SPAST: variants seen among roughly 807,000 people sequenced by gnomAD.
SPAST encodes the protein spastic paraplegia 4 (autosomal dominant; spastin).
In SPAST, 30 loss-of-function variants were observed where a neutral mutation model predicts 76.6. The ratio of observed to expected loss-of-function variants is 0.39; its 90% CI spans 0.29 to 0.53. The LOEUF (loss-of-function observed/expected upper bound fraction) is 0.53. Ranked by LOEUF, SPAST falls within the 20% of genes least tolerant of loss-of-function variation. The probability of loss-of-function intolerance (pLI) is 0.68; values close to 1 mark genes in which losing one functional copy is unlikely to be tolerated. For missense variants in SPAST, 717 were observed against 770.5 expected (o/e 0.93, Z 0.82); for synonymous variants, 305 against 281.0 (o/e 1.09, Z -0.86).
intron 1 of SPAST, among the ~76,000 whole-genome samples, chr2:32,067,612 AT>A (rs1459191148): frequency 6.6e-6 from 1 of 151,758 alleles, no homozygotes; most frequent in Non-Finnish European, 1.5e-5. Flanking sequence ...AAACATTTTT[AT>A]TTTTCAGTTG....
At chr2:32,125,286 C>T (rs1454417901) in intron 7 of SPAST, among the ~76,000 whole-genome samples, 6 of 152,024 alleles carry the variant, frequency 3.9e-5, no homozygotes, top group African/African-American at 1.2e-4. Context: ...TACAATGGCA[C>T]GATCTCGGCT....
intron 1 of SPAST, among the ~76,000 whole-genome samples, chr2:32,076,225 ATAAG>A (rs1359791908): frequency 1.3e-5 from 2 of 152,046 alleles, no homozygotes; most frequent in Non-Finnish European, 2.9e-5. Context: ...AAGAAGATAA[ATAAG>A]GTGACATTTT....
chr2:32,083,067 G>T (rs1677305042), intron 1 of SPAST, among the ~76,000 whole-genome samples: 1 of 151,950 alleles, frequency 6.6e-6, no homozygotes, highest in Non-Finnish European at 1.5e-5. Context: ...TGCCTCCCCG[G>T]TTCAAGTGAT....
At position 32,063,604 on chromosome 2, in the gene SPAST, A is replaced by G. The variant is rs1239653761; in HGVS notation, c.-228A>G. On this transcript the variant is annotated 5_prime_UTR_variant, in exon 1 of 17. Transcript: ENST00000315285. ...GGCGGCGGAGAGGACAGCGACAGGA[A>G]GGGAGGGGCCCGAGCCACCGACTGC... is the stretch of plus-strand genomic sequence containing the variant. The G allele has an allele frequency of 5.4e-6, 3 of 557,744 alleles. No homozygotes were observed. In the Admixed American group the frequency reaches 1.1e-4, roughly 20 times the overall value. 34.5% of individuals were successfully genotyped at this position (557,744 alleles called of 1,614,324 possible).
chr2:32,084,735 A>T (rs906624591), intron 1 of SPAST, among the ~76,000 whole-genome samples: 9 of 151,564 alleles, frequency 5.9e-5, no homozygotes, highest in Non-Finnish European at 1.2e-4. Flanking sequence ...AAAATACAAA[A>T]AATTAGGCAG....
At chr2:32,068,691 A>G (rs1223735676) in intron 1 of SPAST, among the ~76,000 whole-genome samples, 1 of 152,146 alleles carries the variant, frequency 6.6e-6, no homozygotes, top group Non-Finnish European at 1.5e-5. Context: ...AAATTAGTTC[A>G]GACTGAAACG....
chr2:32,122,800 A>G (rs1258445562), intron 7 of SPAST, among the ~76,000 whole-genome samples: 2 of 151,984 alleles, frequency 1.3e-5, no homozygotes, highest in Non-Finnish European at 1.5e-5. Flanking sequence ...ATAGATGAAT[A>G]TCTTTGTTTG....
chr2:32,069,042 G>T (rs1429624137), intron 1 of SPAST, among the ~76,000 whole-genome samples: 2 of 151,934 alleles, frequency 1.3e-5, no homozygotes, highest in African/African-American at 4.8e-5. Flanking sequence ...GTGAAACCCC[G>T]TCTCTACTAA....
intron 3 of SPAST, among the ~76,000 whole-genome samples, chr2:32,098,271 G>T (rs2148717302): frequency 6.6e-6 from 1 of 152,228 alleles, no homozygotes; most frequent in South Asian, 2.1e-4. Context: ...CTTGAGCCCA[G>T]CCTGTGGAAC....
At chr2:32,079,938 T>C (rs1327442497) in intron 1 of SPAST, among the ~76,000 whole-genome samples, 1 of 152,222 alleles carries the variant, frequency 6.6e-6, no homozygotes, top group Non-Finnish European at 1.5e-5. Flanking sequence ...TCAATACTTT[T>C]GGATATATAC....
chr2:32,148,517 C>A (rs1269182853), intron 16 of SPAST, among the ~76,000 whole-genome samples: 4 of 142,296 alleles, frequency 2.8e-5, no homozygotes, highest in South Asian at 4.5e-4. Context: ...ATCAAAAATA[C>A]AAAAAAATTA....
At chr2:32,147,379 C>G (rs1679927596) in intron 16 of SPAST, 121 bp downstream of exon 16, 4 of 563,634 alleles carry the variant, frequency 7.1e-6, no homozygotes, top group Non-Finnish European at 1.2e-5. Flanking sequence ...TTGAGACAGT[C>G]TGGCATGATA....
At chr2:32,137,540 T>C (rs1370821291) in intron 12 of SPAST, among the ~76,000 whole-genome samples, 1 of 152,180 alleles carries the variant, frequency 6.6e-6, no homozygotes, top group Non-Finnish European at 1.5e-5. Context: ...TCTGTTCTTG[T>C]GTGTTTGAGC....
intron 2 of SPAST, 35 bp from the exon 3 acceptor site, chr2:32,089,487 A>T (rs374545452): frequency 4.6e-5 from 53 of 1,142,498 alleles, no homozygotes; most frequent in Non-Finnish European, 7.0e-5. Flanking sequence ...ATTAGTTGGG[A>T]AATGTAGATA....
intron 4 of SPAST, among the ~76,000 whole-genome samples, chr2:32,106,443 C>G (rs1678323470): frequency 6.6e-6 from 1 of 152,176 alleles, no homozygotes; most frequent in Non-Finnish European, 1.5e-5. Context: ...TCAGCTCACA[C>G]TATGTGGGCT....
At chr2:32,126,203 G>A (rs1005778142) in intron 7 of SPAST, among the ~76,000 whole-genome samples, 7 of 152,098 alleles carry the variant, frequency 4.6e-5, no homozygotes, top group Admixed American at 3.9e-4. Flanking sequence ...TCACGTCAGC[G>A]TGCTTCTTGC....
At chr2:32,083,758 A>ATTTATATATAC (rs1413022082) in intron 1 of SPAST, among the ~76,000 whole-genome samples, 8 of 44,860 alleles carry the variant, frequency 1.8e-4, no homozygotes, top group South Asian at 1.8e-3. Flanking sequence ...TACTATATAT[A>ATTTATATATAC]TATATATATA....
chr2:32,068,014 T>C (rs1352569753), intron 1 of SPAST, among the ~76,000 whole-genome samples: 7 of 151,364 alleles, frequency 4.6e-5, no homozygotes, highest in Admixed American at 4.6e-4. Flanking sequence ...AGCCTCGCTT[T>C]GTCGCCCAGG....
At chr2:32,126,745 C>G in intron 7 of SPAST, 2 of 525,800 alleles carry the variant, frequency 3.8e-6, no homozygotes, top group Non-Finnish European at 6.8e-6. Context: ...TCTTTGCCCC[C>G]TAAAGTCTGG....
Sources: allele counts gnomAD v4.1 joint callset (sites outside exome capture counted in the v4.1 genomes callset), GRCh38; gene constraint gnomAD v4.1.1; transcripts MANE v1.5; gene names NCBI Gene and HGNC (gene_info 2026-07-23, HGNC 2026-07-21).